The following FBXO36 variants were observed in gnomAD, a reference collection of about 807,000 sequenced individuals.
FBXO36 encodes the protein F-box only protein 36.
Under a neutral mutation model 17.0 loss-of-function variants are expected in FBXO36, and 18 were observed. That is an observed-to-expected ratio of 1.06 (90% CI 0.73 to 1.57). The LOEUF is 1.57. Ranked by LOEUF, FBXO36 falls within the 40% of genes most tolerant of loss-of-function variation. FBXO36 has a pLI of 0.00. For synonymous variants in FBXO36, 83 were observed against 85.3 expected (o/e 0.97, Z 0.15); for missense variants, 229 against 221.9 (o/e 1.03, Z -0.20).
In FBXO36 at chr2:229,941,077, C is replaced by G. The variant is rs2076995901; in HGVS notation, c.96+18468C>G. ...TTGCCACTGGACCAAAGATAGACAC[C>G]TGACTCTAGCGCAGTGAATCTACCG... On this transcript the variant is annotated intron_variant, in intron 1 of 3. Transcript: ENST00000283946. 5.3e-5 allele frequency among the ~76,000 whole-genome samples: 8 copies of G among 152,252 alleles called. No homozygotes were observed. The South Asian group carries it at 1.7e-3, about 32-fold the overall frequency.
At chr2:229,927,022 G>C (rs1426496867) in intron 1 of FBXO36, among the ~76,000 whole-genome samples, 1 of 151,914 alleles carries the variant, frequency 6.6e-6, no homozygotes, top group African/African-American at 2.4e-5. Flanking sequence ...ACCATGCCCA[G>C]CTAATTTTTG....
chr2:229,934,857 G>A lies in FBXO36; in HGVS notation c.96+12248G>A, dbSNP rs985768992. On this transcript the variant is annotated intron_variant, in intron 1 of 3. Coordinates refer to ENST00000283946, the MANE Select transcript of FBXO36 (RefSeq NM_174899.5). ...TTTCGTAGAGATGGGGTTTCGCCAC[G>A]TTGGCCAGGCTGGTCTTGAACTCCT... Among the ~76,000 whole-genome samples, 8 of 152,096 alleles carry A rather than the reference G, an allele frequency of 5.3e-5. No homozygotes were observed. In the East Asian group the frequency reaches 7.7e-4, roughly 15 times the overall value.
chr2:229,976,148 A>G, intron 1 of FBXO36, 93 bp from the exon 2 acceptor site: 1 of 820,854 alleles, frequency 1.2e-6, no homozygotes, highest in Non-Finnish European at 1.9e-6. Context: ...TGTTGGACAC[A>G]TAGCCTTATG....
chr2:230,001,105 T>C (rs2077356171), intron 3 of FBXO36, among the ~76,000 whole-genome samples: 1 of 151,958 alleles, frequency 6.6e-6, no homozygotes, highest in Admixed American at 6.6e-5. Flanking sequence ...GTGATCCACC[T>C]ACCTCAGCCT....
intron 1 of FBXO36, among the ~76,000 whole-genome samples, chr2:229,952,609 C>T (rs1220254496): frequency 6.6e-6 from 1 of 152,116 alleles, no homozygotes; most frequent in East Asian, 1.9e-4. Context: ...GAGAGCCAGC[C>T]GAGAAATCTA....
At chr2:229,938,216 CTT>C (rs71049603) in intron 1 of FBXO36, among the ~76,000 whole-genome samples, 3 of 73,256 alleles carry the variant, frequency 4.1e-5, no homozygotes, top group African/African-American at 5.6e-5. Context: ...ATACAACTTT[CTT>C]TTTTTTTTTT....
At chr2:229,988,857 T>TTTA (rs2077283819) in intron 2 of FBXO36, among the ~76,000 whole-genome samples, 2 of 149,838 alleles carry the variant, frequency 1.3e-5, no homozygotes, top group Non-Finnish European at 3.0e-5. Flanking sequence ...TTTTTTTTTT[T>TTTA]ACCGCATAGT....
intron 2 of FBXO36, among the ~76,000 whole-genome samples, chr2:229,978,227 C>G (rs1241063488): frequency 6.6e-6 from 1 of 151,862 alleles, no homozygotes; most frequent in African/African-American, 2.4e-5. Context: ...GGTTGAGGCT[C>G]CAGTGAACCC....
At chr2:229,954,582 C>T (rs2077075728) in intron 1 of FBXO36, among the ~76,000 whole-genome samples, 2 of 122,954 alleles carry the variant, frequency 1.6e-5, no homozygotes, top group South Asian at 2.9e-4. Context: ...GAGTCTCGCT[C>T]TGTCACCCAG....
At chr2:229,939,379 G>C in intron 1 of FBXO36, 3 of 508,482 alleles carry the variant, frequency 5.9e-6, no homozygotes, top group Non-Finnish European at 7.6e-6. Flanking sequence ...CTGTATTAAA[G>C]TATCTCTTCA....
intron 1 of FBXO36, among the ~76,000 whole-genome samples, chr2:229,936,705 C>CA (rs1224333684): frequency 1.3e-5 from 2 of 150,874 alleles, no homozygotes; most frequent in Non-Finnish European, 3.0e-5. Context: ...CTTGTCTCTA[C>CA]AAAAAAAAAT....
At chr2:229,948,229 T>C (rs2077037613) in intron 1 of FBXO36, among the ~76,000 whole-genome samples, 1 of 152,238 alleles carries the variant, frequency 6.6e-6, no homozygotes, top group African/African-American at 2.4e-5. Flanking sequence ...CTTTTTACTT[T>C]TGGGGAGAAA....
At chr2:229,982,072 G>A (rs2077243350) in intron 2 of FBXO36, among the ~76,000 whole-genome samples, 1 of 151,656 alleles carries the variant, frequency 6.6e-6, no homozygotes, top group Non-Finnish European at 1.5e-5. Flanking sequence ...TGCCCAGGCT[G>A]GAGTGGAGTG....
intron 3 of FBXO36, among the ~76,000 whole-genome samples, chr2:230,009,877 C>T (rs2077406276): frequency 6.6e-6 from 1 of 152,126 alleles, no homozygotes; most frequent in African/African-American, 2.4e-5. Context: ...ACCCAGTAGG[C>T]GGAGGTTGCA....
intron 1 of FBXO36, among the ~76,000 whole-genome samples, chr2:229,973,719 CAAAAA>C (rs61291521): frequency 7.7e-6 from 1 of 130,224 alleles, no homozygotes; most frequent in African/African-American, 2.8e-5. Context: ...GACTCCATCT[CAAAAA>C]AAAAAAAAAA....
intron 3 of FBXO36, among the ~76,000 whole-genome samples, chr2:229,998,376 A>G (rs758170959): frequency 1.3e-5 from 2 of 152,080 alleles, no homozygotes; most frequent in Non-Finnish European, 2.9e-5. Flanking sequence ...TAATCCCAGC[A>G]CTTTGGGAGG....
intron 2 of FBXO36, among the ~76,000 whole-genome samples, chr2:229,978,312 G>A (rs1184354656): frequency 1.3e-5 from 2 of 151,804 alleles, no homozygotes; most frequent in African/African-American, 4.8e-5. Context: ...GCTGGGCACG[G>A]TGGCTCACGC....
chr2:229,979,890 G>C (rs1450855004), intron 2 of FBXO36, among the ~76,000 whole-genome samples: 1 of 151,342 alleles, frequency 6.6e-6, no homozygotes, highest in Non-Finnish European at 1.5e-5. Context: ...AAAAAAAAAA[G>C]AACAATCATA....
chr2:229,980,443 TG>T (rs2077232604), intron 2 of FBXO36, among the ~76,000 whole-genome samples: 1 of 152,180 alleles, frequency 6.6e-6, no homozygotes, highest in Non-Finnish European at 1.5e-5. Flanking sequence ...TGAGACCATG[TG>T]GTTTTCTGAT....
Sources: gnomAD v4.1 joint callset for allele counts (sites outside exome capture counted in the v4.1 genomes callset) on GRCh38, gnomAD v4.1.1 for gene constraint, MANE v1.5 for transcripts, NCBI Gene and HGNC (gene_info 2026-07-23, HGNC 2026-07-21) for gene names.